TOPAZ1: variants seen among roughly 807,000 people sequenced by gnomAD.
TOPAZ1 encodes the protein testis and ovary specific TOPAZ 1.
A neutral mutation model predicts 172.2 loss-of-function variants in TOPAZ1; 66 were observed. That is an observed-to-expected ratio of 0.38 (90% CI 0.31 to 0.47). The LOEUF is 0.47. TOPAZ1 is among the 20% of genes least tolerant of loss of function. The pLI, the probability that TOPAZ1 is intolerant of heterozygous loss-of-function variation, is 0.99. For missense variants in TOPAZ1, 1,822 were observed against 1,972.4 expected (o/e 0.92, Z 1.44); for synonymous variants, 681 against 683.9 (o/e 1.00, Z 0.07).
intron 4 of TOPAZ1, 122 bp downstream of exon 4, chr3:44,256,400 G>A (rs1045734965): frequency 1.6e-5 from 14 of 890,634 alleles, no homozygotes; most frequent in Non-Finnish European, 2.1e-5. Context: ...AAAGAATCAC[G>A]TCACTCTAGC....
chr3:44,284,946 A>T (rs1206760521), intron 9 of TOPAZ1, among the ~76,000 whole-genome samples: 1 of 152,242 alleles, frequency 6.6e-6, no homozygotes, highest in East Asian at 1.9e-4. Flanking sequence ...ACCACTGGTA[A>T]TATACAAAAC....
At chr3:44,333,760 A>G (rs1244461871), downstream of TOPAZ1, among the ~76,000 whole-genome samples, 2 of 152,232 alleles carry the variant, frequency 1.3e-5, no homozygotes, top group South Asian at 4.1e-4. Flanking sequence ...AGCCCCGACA[A>G]CAAAAAGTGT....
rs772512599 is a variant in TOPAZ1 at position 44,244,125 on chromosome 3, A to G, written c.1619A>G (p.His540Arg). The change falls in exon 2 of 20, where the codon CAT becomes CGT. Residue 540 changes from histidine (H) to arginine (R), a missense_variant. Coordinates refer to ENST00000309765, the MANE Select transcript of TOPAZ1 (RefSeq NM_001145030.2). ...DVPKHQTNQT[H>R]LTDSKLLLQS... is the part of the protein sequence containing the mutation. The stretch of plus-strand genomic sequence containing the variant: ...CCTAAACACCAAACAAACCAGACCC[A>G]TTTAACTGACTCCAAATTATTATTA... 2 of 1,551,664 alleles carry G rather than the reference A, an allele frequency of 1.3e-6. No individual in the cohort carries two copies. Among genetic ancestry groups the G allele is most frequent in the Non-Finnish European group, 1.7e-6 (2 of 1,146,934 alleles).
chr3:44,290,684 T>C (rs1488637), intron 11 of TOPAZ1, 87 bp from the exon 12 acceptor site: 598,311 of 721,012 alleles, frequency 0.83, 248,665 homozygotes, highest in Middle Eastern at 0.89. Flanking sequence ...CTTCTTCCAT[T>C]AGTGTCTTAG....
chr3:44,243,540 C>A lies in TOPAZ1; in HGVS notation c.1034C>A (p.Thr345Asn). The A allele has an allele frequency of 6.4e-7, 1 of 1,551,410 alleles. No homozygotes were observed. Among genetic ancestry groups the A allele is most frequent in the Non-Finnish European group, 8.7e-7 (1 of 1,146,942 alleles). ...KLSEKADETV[T>N]EMNFSNEYNK... The stretch of plus-strand genomic sequence containing the variant: ...TCTGAAAAAGCAGATGAAACAGTTA[C>A]TGAGATGAACTTCTCTAATGAGTAT... The change falls in exon 2 of 20, where the codon ACT becomes AAT. Residue 345 changes from threonine to asparagine, a missense_variant. By Grantham distance (65) the Thr-to-Asn change is moderately conservative (BLOSUM62 0). Coordinates refer to ENST00000309765, the MANE Select transcript of TOPAZ1 (RefSeq NM_001145030.2).
At chr3:44,294,744 G>A (rs1700175597) in intron 12 of TOPAZ1, among the ~76,000 whole-genome samples, 1 of 152,144 alleles carries the variant, frequency 6.6e-6, no homozygotes, top group African/African-American at 2.4e-5. Context: ...GGGCTCAAGT[G>A]ATCTGCCTGC....
In TOPAZ1 at chr3:44,259,156, G is replaced by A. The variant is rs138487563; in HGVS notation, c.2955+2878G>A. Among the ~76,000 whole-genome samples the A allele has an allele frequency of 1.6e-4, 25 of 152,194 alleles. No homozygotes were observed. In the East Asian group the frequency reaches 4.8e-3, roughly 29 times the overall value. On this transcript the variant is annotated intron_variant, in intron 4 of 19. Coordinates refer to ENST00000309765, the MANE Select transcript of TOPAZ1 (RefSeq NM_001145030.2). ...GGCAAATTGTTGTCCTCCCCAAGTG[G>A]TTCCAACTAGGGCCTGCCCTTGGGT...
At chr3:44,298,988 T>A (rs1159194658) in intron 12 of TOPAZ1, among the ~76,000 whole-genome samples, 1 of 133,900 alleles carries the variant, frequency 7.5e-6, no homozygotes, top group African/African-American at 2.7e-5. Flanking sequence ...AGTGGCACAA[T>A]CTCAGCTCAC....
At chr3:44,255,055 G>A (rs1699681341) in intron 3 of TOPAZ1, 26 bp downstream of exon 3, 3 of 1,523,968 alleles carry the variant, frequency 2.0e-6, no homozygotes, top group African/African-American at 2.8e-5. Flanking sequence ...TTCAGAATAT[G>A]CAATATTGAA....
downstream of TOPAZ1, among the ~76,000 whole-genome samples, chr3:44,335,086 T>C (rs920773085): frequency 1.3e-5 from 2 of 152,116 alleles, no homozygotes; most frequent in South Asian, 2.1e-4. Flanking sequence ...TTGGAAGTTA[T>C]GTTTAAGACA....
chr3:44,325,708 A>G lies in TOPAZ1; in HGVS notation c.4675+2413A>G, dbSNP rs142145774. Among the ~76,000 whole-genome samples the G allele has an allele frequency of 1.3e-4, 19 of 151,788 alleles. No individual in the cohort carries two copies. In the East Asian group the frequency reaches 3.5e-3, roughly 28 times the overall value. ...ACCTAGGCTGGAGTACAGTGGCGCA[A>G]TCTCGGCTCACTGCAACCTCCACCT... On this transcript the variant is annotated intron_variant, in intron 18 of 19. Transcript: ENST00000309765.
intron 11 of TOPAZ1, among the ~76,000 whole-genome samples, chr3:44,289,122 G>C (rs1700108721): frequency 1.3e-5 from 2 of 152,120 alleles, no homozygotes; most frequent in African/African-American, 4.8e-5. Flanking sequence ...AGTGTTAAAG[G>C]GCAGAGTTTT....
rs1174282389 is a variant in TOPAZ1 at position 44,244,077 on chromosome 3, A to G, written c.1571A>G (p.Glu524Gly). ...ESSYFLRGSQ[E>G]SCRQVDVPKH... Reference sequence around the variant, plus strand: ...AGTTACTTTCTTCGTGGGTCTCAGGAAAGTTGTAGGCAAGTTGATGTCCCT... The same window carrying G: ...AGTTACTTTCTTCGTGGGTCTCAGGGAAGTTGTAGGCAAGTTGATGTCCCT... Residue 524 changes from glutamate to glycine, a missense_variant, in exon 2 of 20, where the codon GAA becomes GGA. By Grantham distance (98) the Glu-to-Gly change is moderately conservative. Transcript: ENST00000309765. 1.3e-6 allele frequency: 2 copies of G among 1,551,772 alleles called. No individual in the cohort carries two copies. Among genetic ancestry groups the G allele is most frequent in the Admixed American group, 3.9e-5 (2 of 51,000 alleles).
intron 8 of TOPAZ1, among the ~76,000 whole-genome samples, chr3:44,277,532 G>A (rs1385371748): frequency 6.6e-6 from 1 of 152,170 alleles, no homozygotes; most frequent in Non-Finnish European, 1.5e-5. Flanking sequence ...ATGTTGAATA[G>A]GAGTGGTGAA....
intron 5 of TOPAZ1, 98 bp downstream of exon 5, chr3:44,262,581 G>C (rs1699786956): frequency 1.7e-6 from 1 of 586,290 alleles, no homozygotes; most frequent in Non-Finnish European, 2.9e-6. Context: ...ATATGCTTGG[G>C]CTATATGCCA....
rs965616211 is a variant in TOPAZ1, at chr3:44,243,301, T to C, written c.795T>C (p.Leu265=). ...AAAATTTCTCAAAGAAAGAAAACCT[T>C]AGGAGTCTTGCAGAGAAGAGTGACA... ...VAENFSKKEN[L]RSLAEKSDTN... The change falls in exon 2 of 20, where the codon CTT becomes CTC. Residue 265 remains leucine (L), a synonymous_variant. Coordinates refer to ENST00000309765, the MANE Select transcript of TOPAZ1 (RefSeq NM_001145030.2). 4 of 1,551,424 alleles carry C rather than the reference T, an allele frequency of 2.6e-6. No individual in the cohort carries two copies. The highest frequency in any genetic ancestry group is 1.4e-5 in the African/African-American group (1 of 73,124).
At chr3:44,280,574 C>G (rs763877356) in intron 8 of TOPAZ1, among the ~76,000 whole-genome samples, 3 of 152,130 alleles carry the variant, frequency 2.0e-5, no homozygotes, top group African/African-American at 4.8e-5. Flanking sequence ...TCTCGAACTC[C>G]TAGACTCAAG....
chr3:44,331,724 A>C, intron 19 of TOPAZ1, 68 bp from the exon 20 acceptor site: 2 of 1,189,494 alleles, frequency 1.7e-6, no homozygotes, highest in Non-Finnish European at 2.4e-6. Flanking sequence ...AATGTAAATG[A>C]CTATCTTTTG....
intron 12 of TOPAZ1, among the ~76,000 whole-genome samples, chr3:44,292,077 T>C (rs1025396198): frequency 2.0e-5 from 3 of 152,116 alleles, no homozygotes; most frequent in African/African-American, 7.2e-5. Context: ...TCCTGGGGAG[T>C]TTGCCATTGT....
Sources: gnomAD v4.1 joint callset for allele counts (sites outside exome capture counted in the v4.1 genomes callset) on GRCh38, gnomAD v4.1.1 for gene constraint, MANE v1.5 for transcripts, NCBI Gene and HGNC (gene_info 2026-07-23, HGNC 2026-07-21) for gene names.